Variants in PDE3A observed in about 807,000 individuals in gnomAD.
PDE3A encodes the protein cGMP-inhibited 3',5'-cyclic phosphodiesterase 3A.
PDE3A carries 43 observed loss-of-function variants against 98.3 expected under a neutral mutation model. The ratio of observed to expected loss-of-function variants is 0.44; its 90% CI spans 0.34 to 0.56. The LOEUF (loss-of-function observed/expected upper bound fraction) is 0.56. PDE3A is among the 20% of genes least tolerant of loss of function. PDE3A has a pLI of 0.01. For missense variants in PDE3A, 1,427 were observed against 1,440.7 expected, an observed-to-expected ratio of 0.99 and a Z score of 0.15; for synonymous variants, 663 against 567.9, an observed-to-expected ratio of 1.17 and a Z score of -2.38.
At chr12:20,417,989 A>G (rs1050747836) in intron 1 of PDE3A, among the ~76,000 whole-genome samples, 1 of 152,134 alleles carries the variant, frequency 6.6e-6, no homozygotes, top group African/African-American at 2.4e-5. Context: ...CCGGGATTGG[A>G]ATTGCAGGCT....
chr12:20,404,397 G>T (rs1470858846), intron 1 of PDE3A, among the ~76,000 whole-genome samples: 1 of 152,014 alleles, frequency 6.6e-6, no homozygotes, highest in Non-Finnish European at 1.5e-5. Context: ...AATCACTTAT[G>T]TAGAAAGCCA....
chr12:20,528,517 C>T (rs370404822), intron 1 of PDE3A, among the ~76,000 whole-genome samples: 19 of 152,310 alleles, frequency 1.2e-4, no homozygotes, highest in Non-Finnish European at 2.8e-4. Flanking sequence ...GTCCTTTTAG[C>T]ATGGTTCTTT....
chr12:20,435,148 G>A (rs79434347), intron 1 of PDE3A, among the ~76,000 whole-genome samples: 337 of 152,244 alleles, frequency 2.2e-3, no homozygotes, highest in Non-Finnish European at 4.0e-3. Context: ...GAACTTGGAG[G>A]TACTTCCCAT....
Position 20,683,215 on chromosome 12 carries a change from C to T in PDE3A, c.*2944C>T, listed in dbSNP as rs1363193041. ...GTACATCTCAAAGGATGCTAAGGGACATTTTCTGCCAGTAGAGTTCTCCCC... is the reference window on the plus strand; with the variant it reads ...GTACATCTCAAAGGATGCTAAGGGATATTTTCTGCCAGTAGAGTTCTCCCC... On this transcript the variant is annotated 3_prime_UTR_variant, in exon 16 of 16. Transcript: ENST00000359062. The T allele has an allele frequency of 6.6e-6, 1 of 152,166 alleles. No homozygotes were observed. Among genetic ancestry groups the T allele is most frequent in the African/African-American group, 2.4e-5 (1 of 41,438 alleles). The allele number at this position is 152,166 out of a possible 1,614,324, so 9.4% of individuals were successfully genotyped here. A position where few individuals can be genotyped will look rare whatever the true frequency, so the allele number is the denominator to read the frequency against.
intron 1 of PDE3A, among the ~76,000 whole-genome samples, chr12:20,521,494 T>C (rs1368775843): frequency 6.6e-6 from 1 of 152,166 alleles, no homozygotes; most frequent in African/African-American, 2.4e-5. Flanking sequence ...GTGTGTTTCA[T>C]AGTGATTGGT....
At chr12:20,649,885 C>T (rs896672840) in intron 13 of PDE3A, among the ~76,000 whole-genome samples, 2 of 151,904 alleles carry the variant, frequency 1.3e-5, no homozygotes, top group Admixed American at 6.6e-5. Flanking sequence ...CAAGACTGGA[C>T]CATGACACTC....
chr12:20,542,470 C>T (rs1290929756), intron 1 of PDE3A, among the ~76,000 whole-genome samples: 1 of 116,634 alleles, frequency 8.6e-6, no homozygotes, highest in African/African-American at 3.0e-5. Flanking sequence ...CACACACACA[C>T]ACATACACTT....
chr12:20,370,417 T>TG (rs1430925484), intron 1 of PDE3A, among the ~76,000 whole-genome samples, 173 bp downstream of exon 1: 4 of 149,894 alleles, frequency 2.7e-5, no homozygotes, highest in African/African-American at 4.9e-5. Flanking sequence ...TTGTTTTTTT[T>TG]TTTTTGTTTT....
At chr12:20,630,866 A>G (rs1944362979) in intron 6 of PDE3A, among the ~76,000 whole-genome samples, 1 of 152,196 alleles carries the variant, frequency 6.6e-6, no homozygotes, top group Non-Finnish European at 1.5e-5. Flanking sequence ...GTTTTTAACT[A>G]TGAGAGTACC....
At chr12:20,601,190 C>G (rs751416750) in intron 2 of PDE3A, among the ~76,000 whole-genome samples, 7 of 152,110 alleles carry the variant, frequency 4.6e-5, no homozygotes, top group Non-Finnish European at 1.0e-4. Flanking sequence ...AAGATCTGGT[C>G]AGAGATGCAA....
chr12:20,388,909 T>A (rs1387824591), intron 1 of PDE3A, among the ~76,000 whole-genome samples: 1 of 152,000 alleles, frequency 6.6e-6, no homozygotes, highest in African/African-American at 2.4e-5. Flanking sequence ...TGGTGCCACA[T>A]CTAGGATTAT....
At chr12:20,614,055 T>C (rs1943937618) in intron 3 of PDE3A, among the ~76,000 whole-genome samples, 1 of 152,192 alleles carries the variant, frequency 6.6e-6, no homozygotes, top group Non-Finnish European at 1.5e-5. Context: ...TCCTTTCTAG[T>C]GCAGATTCTG....
chr12:20,477,302 C>T (rs1265849036), intron 1 of PDE3A, among the ~76,000 whole-genome samples: 2 of 152,128 alleles, frequency 1.3e-5, no homozygotes, highest in East Asian at 3.8e-4. Context: ...TAATATTTTA[C>T]CATAAGTACT....
At chr12:20,677,177 AGTTT>A (rs1945662257) in intron 15 of PDE3A, among the ~76,000 whole-genome samples, 1 of 151,978 alleles carries the variant, frequency 6.6e-6, no homozygotes, top group African/African-American at 2.4e-5. Flanking sequence ...TTCATTCCAG[AGTTT>A]GTCTTTGGTT....
chr12:20,617,420 T>C (rs1247235210), intron 4 of PDE3A, among the ~76,000 whole-genome samples: 1 of 152,130 alleles, frequency 6.6e-6, no homozygotes, highest in African/African-American at 2.4e-5. Context: ...ATAATCCCAC[T>C]CCATCCTATT....
At position 20,688,401 on chromosome 12, in the gene PDE3A, C is replaced by T. The variant is rs1946039259; in HGVS notation, c.*8130C>T. 6.6e-6 allele frequency among the ~76,000 whole-genome samples: 1 copy of T among 151,470 alleles called. No homozygotes were observed. The highest frequency in any genetic ancestry group is 2.4e-5 in the African/African-American group (1 of 41,248). On this transcript the variant is annotated 3_prime_UTR_variant, in exon 16 of 16. Coordinates refer to ENST00000359062, the MANE Select transcript of PDE3A (RefSeq NM_000921.5). ...TGTATTTATTTTTATTATTTTTTAG[C>T]TTAGATACTATGTTGATGCTCCCTT...
intron 15 of PDE3A, among the ~76,000 whole-genome samples, chr12:20,656,216 A>G (rs1263205813): frequency 6.6e-6 from 1 of 152,192 alleles, no homozygotes; most frequent in Non-Finnish European, 1.5e-5. Flanking sequence ...AGACATTCTG[A>G]TCATTTCGTG....
intron 2 of PDE3A, among the ~76,000 whole-genome samples, chr12:20,603,874 T>TAAAG (rs1360792005): frequency 6.6e-6 from 1 of 152,058 alleles, no homozygotes; most frequent in Non-Finnish European, 1.5e-5. Context: ...AGACAAGAGC[T>TAAAG]AAAGAAATAA....
At chr12:20,610,202 G>A (rs1002266311) in intron 2 of PDE3A, among the ~76,000 whole-genome samples, 2 of 151,764 alleles carry the variant, frequency 1.3e-5, no homozygotes, top group Non-Finnish European at 2.9e-5. Context: ...AACACAATAG[G>A]GGAAAAATAA....
Sources: gnomAD v4.1 joint callset for allele counts (sites outside exome capture counted in the v4.1 genomes callset) on GRCh38, gnomAD v4.1.1 for gene constraint, MANE v1.5 for transcripts, NCBI Gene and HGNC (gene_info 2026-07-23, HGNC 2026-07-21) for gene names.